The following CELSR1 variants were observed in gnomAD, a reference collection of about 807,000 sequenced individuals.
The protein encoded by CELSR1 is cadherin EGF LAG seven-pass G-type receptor 1.
Under a neutral mutation model 249.1 loss-of-function variants are expected in CELSR1, and 110 were observed. The ratio of observed to expected loss-of-function variants is 0.44; its 90% confidence interval spans 0.38 to 0.52. The LOEUF (loss-of-function observed/expected upper bound fraction) is 0.52, where lower values mean the gene tolerates loss of function less well. Among genes scored for constraint, CELSR1 ranks in the 20% least tolerant of loss-of-function variants. The pLI is 0.00. For synonymous variants in CELSR1, 2,113 were observed against 1,900.0 expected, an observed-to-expected ratio of 1.11 and a Z score of -2.92; for missense variants, 4,109 against 4,296.4, an observed-to-expected ratio of 0.96 and a Z score of 1.22.
At position 46,390,168 on chromosome 22, in the gene CELSR1, C is replaced by T. The variant is rs562615607; in HGVS notation, c.6345+224G>A. ...AACCAAAGACACAGAGCTGGGTCCT[C>T]TGGGGGAGAGAAGTCCACGTGGGGG... On this transcript the variant is annotated intron_variant, in intron 17 of 34. Transcript: ENST00000674500. This position sits in a 1 kb window ranked among gnomAD's most constrained non-coding sequence, Gnocchi z 6.3. Among the ~76,000 whole-genome samples, 2 of 152,318 alleles carry T rather than the reference C, an allele frequency of 1.3e-5. No homozygotes were observed. The highest frequency in any genetic ancestry group is 4.1e-4 in the South Asian group (2 of 4,830).
chr22:46,446,743 A>G lies in CELSR1; in HGVS notation c.4184-7332T>C, dbSNP rs886700775. ...CTTAATCCATGAGTTACAAAACGAC[A>G]TAATTCCCATATTTGATTCAAATAG... On this transcript the variant is annotated intron_variant, in intron 2 of 34. Coordinates refer to ENST00000674500, the MANE Select transcript of CELSR1 (RefSeq NM_001378328.1). The surrounding 1 kb of genome is among the most constrained non-coding windows in gnomAD (Gnocchi z 5.5). Among the ~76,000 whole-genome samples, 8 of 152,324 alleles carry G rather than the reference A, an allele frequency of 5.3e-5. No individual in the cohort carries two copies. In the East Asian group the frequency reaches 7.7e-4, roughly 15 times the overall value.
chr22:46,457,918 G>A (rs749456491), intron 2 of CELSR1, among the ~76,000 whole-genome samples: 2 of 152,216 alleles, frequency 1.3e-5, no homozygotes, highest in Admixed American at 1.3e-4. Flanking sequence ...TTCAGGCCCC[G>A]AGGGCATTAT....
chr22:46,380,668 G>A lies in CELSR1; in HGVS notation c.7256+120C>T. 1 of 1,202,118 alleles carries A rather than the reference G, an allele frequency of 8.3e-7. No homozygotes were observed. Among genetic ancestry groups the A allele is most frequent in the Non-Finnish European group, 1.2e-6 (1 of 858,966 alleles). The allele number at this position is 1,202,118 out of a possible 1,614,324, so 74.5% of individuals were successfully genotyped here. On this transcript the variant is annotated intron_variant, in intron 22 of 34. Transcript: ENST00000674500. The surrounding 1 kb of genome is among the most constrained non-coding windows in gnomAD (Gnocchi z 5.1). ...TCACTGCCCCCACGGGGGACTTAAA[G>A]GGGAAACACAGACCACAAGAGACCG...
chr22:46,488,470 C>G lies in CELSR1; in HGVS notation c.3545-24125G>C, dbSNP rs1032714669. Among the ~76,000 whole-genome samples the G allele has an allele frequency of 6.6e-6, 1 of 152,172 alleles. No homozygotes were observed. The highest frequency in any genetic ancestry group is 6.5e-5 in the Admixed American group (1 of 15,282). Reference sequence around the variant, plus strand: ...ACCTAGGCGTGCGTGCCAGTGAGCTCAGTGGGACGGTTCGGCAGGAACACG... The same window carrying G: ...ACCTAGGCGTGCGTGCCAGTGAGCTGAGTGGGACGGTTCGGCAGGAACACG... On this transcript the variant is annotated intron_variant, in intron 1 of 34. Coordinates refer to ENST00000674500, the MANE Select transcript of CELSR1 (RefSeq NM_001378328.1). This position sits in a 1 kb window ranked among gnomAD's most constrained non-coding sequence, Gnocchi z 4.7.
rs541860542 is a variant in CELSR1, at chr22:46,534,468, G to T, written c.2703C>A (p.Ile901=). ...TGGTCGAGGGTGGAGCATCCTCAAA[G>T]ATGGAACCCTGGTAGAAATCCCACA... ...QFLWDFYQGS[I]FEDAPPSTSI... Residue 901 remains isoleucine, a synonymous_variant, in exon 1 of 35, where the codon ATC becomes ATA. Coordinates refer to ENST00000674500, the MANE Select transcript of CELSR1 (RefSeq NM_001378328.1). The surrounding 1 kb of genome is among the most constrained non-coding windows in gnomAD (Gnocchi z 9.7). 3.1e-6 allele frequency: 5 copies of T among 1,613,132 alleles called. No homozygotes were observed. In the East Asian group the frequency reaches 1.1e-4, roughly 36 times the overall value.
intron 1 of CELSR1, among the ~76,000 whole-genome samples, chr22:46,493,537 CTCCGTCTCAA>C (rs774551227): frequency 6.8e-5 from 8 of 117,332 alleles, no homozygotes; most frequent in Non-Finnish European, 1.2e-4. Flanking sequence ...CAGAACGAGA[CTCCGTCTCAA>C]AAAAAAAAAA....
chr22:46,444,376 G>A (rs1002915595), intron 2 of CELSR1, among the ~76,000 whole-genome samples: 1 of 152,186 alleles, frequency 6.6e-6, no homozygotes, highest in African/African-American at 2.4e-5. Context: ...AGGCTGCCCC[G>A]TGAAAGGGAG....
intron 1 of CELSR1, among the ~76,000 whole-genome samples, 181 bp downstream of exon 1, chr22:46,533,446 C>T (rs377306839): frequency 4.6e-5 from 7 of 152,366 alleles, no homozygotes; most frequent in South Asian, 4.1e-4. Context: ...GCCTCTCCCC[C>T]TCGCTGGGCC....
rs765440344 is a variant in CELSR1 at position 46,433,530 on chromosome 22, C to A, written c.4523-49G>T. Reference sequence around the variant, plus strand: ...GAGAGAAAACAGGGGTTGGCGGGGCCTACTGGGGACCGAGGATTGCGCTGT... The same window carrying A: ...GAGAGAAAACAGGGGTTGGCGGGGCATACTGGGGACCGAGGATTGCGCTGT... On this transcript the variant is annotated intron_variant, in intron 4 of 34. Coordinates refer to ENST00000674500, the MANE Select transcript of CELSR1 (RefSeq NM_001378328.1). The surrounding 1 kb of genome is among the most constrained non-coding windows in gnomAD (Gnocchi z 5.7). The A allele has an allele frequency of 4.8e-6, 7 of 1,465,648 alleles. No homozygotes were observed. In the South Asian group the frequency reaches 7.0e-5, roughly 15 times the overall value. The allele number at this position is 1,465,648 out of a possible 1,614,324, so 90.8% of individuals were successfully genotyped here.
intron 1 of CELSR1, among the ~76,000 whole-genome samples, chr22:46,491,642 T>C (rs948868420): frequency 6.6e-6 from 1 of 151,080 alleles, no homozygotes; most frequent in African/African-American, 2.4e-5. Flanking sequence ...TCTCTCTTTT[T>C]TTTTTTTTTT....
Position 46,508,162 on chromosome 22 carries a change from G to A in CELSR1, c.3544+25465C>T, listed in dbSNP as rs146950006. 5.7e-3 allele frequency among the ~76,000 whole-genome samples: 864 copies of A among 151,748 alleles called. 3 individuals are homozygous for A. The highest frequency in any genetic ancestry group is 9.8e-3 in the Non-Finnish European group (663 of 67,834). Reference sequence around the variant, plus strand: ...TAGACCCCCTCCCCCACGGCTCCTAGGACACCAGCTGACCCCCTCCCACCC... The same window carrying A: ...TAGACCCCCTCCCCCACGGCTCCTAAGACACCAGCTGACCCCCTCCCACCC... On this transcript the variant is annotated intron_variant, in intron 1 of 34. Coordinates refer to ENST00000674500, the MANE Select transcript of CELSR1 (RefSeq NM_001378328.1).
chr22:46,509,331 C>G (rs920149833), intron 1 of CELSR1, among the ~76,000 whole-genome samples: 2 of 152,178 alleles, frequency 1.3e-5, no homozygotes, highest in Non-Finnish European at 2.9e-5. Flanking sequence ...AGATGGGGTG[C>G]AGAGGGGGTG....
chr22:46,430,868 G>A lies in CELSR1; in HGVS notation c.4611+2525C>T, dbSNP rs903167662. Among the ~76,000 whole-genome samples, 5 of 152,124 alleles carry A rather than the reference G, an allele frequency of 3.3e-5. No individual in the cohort carries two copies. Among genetic ancestry groups the A allele is most frequent in the East Asian group, 1.9e-4 (1 of 5,186 alleles). On this transcript the variant is annotated intron_variant, in intron 5 of 34. Coordinates refer to ENST00000674500, the MANE Select transcript of CELSR1 (RefSeq NM_001378328.1). The surrounding 1 kb of genome is among the most constrained non-coding windows in gnomAD (Gnocchi z 4.6). ...AGCTGCCACTCGGAGACTAAGTCACGGAGCAGCAGTACTGTCTCCTTCTCG... is the reference window on the plus strand; with the variant it reads ...AGCTGCCACTCGGAGACTAAGTCACAGAGCAGCAGTACTGTCTCCTTCTCG...
intron 1 of CELSR1, among the ~76,000 whole-genome samples, chr22:46,511,568 C>G (rs1335783855): frequency 1.3e-5 from 2 of 152,228 alleles, no homozygotes; most frequent in East Asian, 3.8e-4. Flanking sequence ...TGACTTCGGG[C>G]CAGGCACCCA....
At chr22:46,481,763 G>T (rs2080268971) in intron 1 of CELSR1, 1 of 416,588 alleles carries the variant, frequency 2.4e-6, no homozygotes, top group Non-Finnish European at 4.4e-6. Context: ...TGCTGCCCCA[G>T]TTATTTGAAC....
chr22:46,452,300 A>G (rs1266636633), intron 2 of CELSR1, among the ~76,000 whole-genome samples: 1 of 152,178 alleles, frequency 6.6e-6, no homozygotes, highest in African/African-American at 2.4e-5. Context: ...CACGGGAGAT[A>G]AAACACTCCT....
chr22:46,365,598 T>C lies in CELSR1; in HGVS notation c.8392A>G (p.Lys2798Glu). Residue 2798 changes from lysine (K) to glutamate (E), a missense_variant, in exon 31 of 35, where the codon AAG becomes GAG. Lys to Glu is a moderately conservative substitution (Grantham distance 56, BLOSUM62 1). Around this residue, in one of 7 missense-constraint regions of CELSR1, gnomAD observed 1,805 missense variants for 1,831.6 expected, o/e 0.99. Coordinates refer to ENST00000674500, the MANE Select transcript of CELSR1 (RefSeq NM_001378328.1). ...PDASLMPRSCKDPPGHDSDSD... is the reference protein window; with the variant it reads ...PDASLMPRSCEDPPGHDSDSD... ...AGGGAAGCCATACCAGGGGGATCCT[T>C]GCAGCTCCTGGGCATGAGGGACGCG... 6.3e-7 allele frequency: 1 copy of C among 1,591,416 alleles called. No individual in the cohort carries two copies.
intron 1 of CELSR1, among the ~76,000 whole-genome samples, chr22:46,469,396 AC>A (rs2080130506): frequency 6.6e-6 from 1 of 151,936 alleles, no homozygotes; most frequent in South Asian, 2.1e-4. Context: ...CACTGGCTAC[AC>A]CCCTGGGTCC....
intron 4 of CELSR1, among the ~76,000 whole-genome samples, chr22:46,435,730 C>G (rs2079651660): frequency 6.6e-6 from 1 of 152,100 alleles, no homozygotes; most frequent in Non-Finnish European, 1.5e-5. Context: ...GAGACAGAGT[C>G]TCACTCCGTC....
Sources: gnomAD v4.1 joint callset for allele counts (sites outside exome capture counted in the v4.1 genomes callset) on GRCh38, gnomAD v4.1.1 for gene constraint, gnomAD v4.1.1 regional missense constraint, Gnocchi (gnomAD v3.1) non-coding constraint, MANE v1.5 for transcripts, NCBI Gene and HGNC (gene_info 2026-07-23, HGNC 2026-07-21) for gene names.